The following FOCAD variants were observed in gnomAD, a reference collection of about 807,000 sequenced individuals.
FOCAD encodes focadhesin.
FOCAD carries 198 observed loss-of-function variants against 225.6 expected under a neutral mutation model. The observed-to-expected ratio is 0.88, with a 90% CI of 0.78 to 0.99. The LOEUF is 0.99. FOCAD is among the 50% of genes least tolerant of loss of function. The probability of loss-of-function intolerance (pLI) is 0.00; values close to 1 mark genes in which losing one functional copy is unlikely to be tolerated. For synonymous variants in FOCAD, 897 were observed against 755.0 expected (o/e 1.19, Z -3.08); for missense variants, 2,713 against 2,123.6 (o/e 1.28, Z -5.46).
At chr9:20,858,366 A>G (rs981161002) in intron 15 of FOCAD, among the ~76,000 whole-genome samples, 3 of 152,030 alleles carry the variant, frequency 2.0e-5, no homozygotes, top group Non-Finnish European at 2.9e-5. Flanking sequence ...GGGTTTTCCA[A>G]TTTATTGTCG....
chr9:20,767,197 G>T (rs1830123450), intron 7 of FOCAD, among the ~76,000 whole-genome samples: 1 of 151,082 alleles, frequency 6.6e-6, no homozygotes, highest in Admixed American at 6.6e-5. Flanking sequence ...GTGTATATGT[G>T]CCACATTTTC....
intron 35 of FOCAD, among the ~76,000 whole-genome samples, chr9:20,966,809 A>G (rs746551665): frequency 1.3e-5 from 2 of 152,064 alleles, no homozygotes; most frequent in East Asian, 3.8e-4. Context: ...ACCCTTGTCA[A>G]AAATCAATTG....
intron 28 of FOCAD, among the ~76,000 whole-genome samples, chr9:20,933,569 G>A (rs1011822700): frequency 2.6e-5 from 4 of 151,602 alleles, no homozygotes; most frequent in Non-Finnish European, 4.4e-5. Context: ...TCGTGTGTGT[G>A]TATGTGTGTG....
rs1379594498 is a variant in FOCAD at position 20,665,782 on chromosome 9, G to A, written c.-78+6956G>A. 5.9e-5 allele frequency among the ~76,000 whole-genome samples: 9 copies of A among 152,122 alleles called. No individual in the cohort carries two copies. In the East Asian group the frequency reaches 1.5e-3, roughly 26 times the overall value. On this transcript the variant is annotated intron_variant, in intron 2 of 45. Transcript: ENST00000380249. ...ACGGTGGCTCACGCCTGTAAGCCCA[G>A]CACTTTGGGAGGGCAAGACAGGCGG...
At chr9:20,874,016 A>G (rs1309810008) in intron 18 of FOCAD, 1 of 152,190 alleles carries the variant, frequency 6.6e-6, no homozygotes, top group Non-Finnish European at 1.5e-5. Flanking sequence ...CAATGTGGAA[A>G]TCTTTTTACA....
intron 35 of FOCAD, among the ~76,000 whole-genome samples, chr9:20,971,219 C>G (rs1284187359): frequency 1.3e-5 from 2 of 152,112 alleles, no homozygotes; most frequent in African/African-American, 4.8e-5. Context: ...ACATTGCATG[C>G]CTATATCAAA....
chr9:20,725,914 T>A (rs1826159229), intron 4 of FOCAD, among the ~76,000 whole-genome samples: 1 of 152,142 alleles, frequency 6.6e-6, no homozygotes, highest in Middle Eastern at 3.2e-3. Context: ...TTTTTATAGC[T>A]TCTGTAAACA....
At chr9:20,787,204 G>A (rs1046269180) in intron 10 of FOCAD, 1 of 165,826 alleles carries the variant, frequency 6.0e-6, no homozygotes, top group Non-Finnish European at 1.3e-5. Flanking sequence ...TTATGTTGTT[G>A]CTTTTACTCA....
At chr9:20,782,581 A>G (rs1819491322) in intron 10 of FOCAD, among the ~76,000 whole-genome samples, 5 of 152,228 alleles carry the variant, frequency 3.3e-5, no homozygotes. Flanking sequence ...TTCTAGGCCT[A>G]GATTTACCAG....
intron 5 of FOCAD, among the ~76,000 whole-genome samples, chr9:20,749,667 T>A (rs893791534): frequency 1.3e-5 from 2 of 152,170 alleles, no homozygotes; most frequent in Non-Finnish European, 2.9e-5. Context: ...GCTGCATACA[T>A]GAAAATGCAT....
chr9:20,676,098 A>G (rs1394632910), intron 2 of FOCAD, among the ~76,000 whole-genome samples: 1 of 152,230 alleles, frequency 6.6e-6, no homozygotes, highest in Non-Finnish European at 1.5e-5. Flanking sequence ...GGACAAATTA[A>G]TAAAGCTTGT....
chr9:20,665,789 G>C (rs899682127), intron 2 of FOCAD, among the ~76,000 whole-genome samples: 1 of 152,104 alleles, frequency 6.6e-6, no homozygotes, highest in African/African-American at 2.4e-5. Context: ...CCAGCACTTT[G>C]GGAGGGCAAG....
Position 20,695,366 on chromosome 9 carries a change from T to G in FOCAD, c.-33+11073T>G, listed in dbSNP as rs1051632261. On this transcript the variant is annotated intron_variant, in intron 1 of 43. Transcript: ENST00000338382. ...ATAAAGTTCCCTATCTTCCTTTAAC[T>G]TAATATTTTTAGCCACAGTTGATGA... Among the ~76,000 whole-genome samples, 10 of 152,328 alleles carry G rather than the reference T, an allele frequency of 6.6e-5. 1 individual carries two copies. The highest frequency in any genetic ancestry group is 5.2e-4 in the Admixed American group (8 of 15,300).
At chr9:20,973,165 T>C (rs1839912922) in intron 35 of FOCAD, among the ~76,000 whole-genome samples, 1 of 151,736 alleles carries the variant, frequency 6.6e-6, no homozygotes, top group East Asian at 1.9e-4. Context: ...GTGCTTCTCC[T>C]TTCTGCAGCT....
At chr9:20,953,240 T>C (rs532339224) in intron 35 of FOCAD, among the ~76,000 whole-genome samples, 175 bp downstream of exon 35, 1 of 152,350 alleles carries the variant, frequency 6.6e-6, no homozygotes, top group East Asian at 1.9e-4. Flanking sequence ...CTACAATAAT[T>C]GGTACGTAAA....
At chr9:20,674,864 A>T (rs1355709110) in intron 2 of FOCAD, among the ~76,000 whole-genome samples, 1 of 152,202 alleles carries the variant, frequency 6.6e-6, no homozygotes, top group Non-Finnish European at 1.5e-5. Flanking sequence ...GATTGAATAG[A>T]TTCCTTCAAA....
chr9:20,755,997 T>G (rs978336256), intron 5 of FOCAD, among the ~76,000 whole-genome samples: 1 of 152,132 alleles, frequency 6.6e-6, no homozygotes, highest in Non-Finnish European at 1.5e-5. Flanking sequence ...CTGCTGAACT[T>G]TCAATCTAAG....
chr9:20,696,826 A>AATG (rs1482467367), intron 1 of FOCAD, among the ~76,000 whole-genome samples: 1 of 151,800 alleles, frequency 6.6e-6, no homozygotes, highest in African/African-American at 2.4e-5. Context: ...TAATAATAAT[A>AATG]ATTAATTGCC....
chr9:20,925,576 C>T (rs1458752050), intron 25 of FOCAD, among the ~76,000 whole-genome samples: 2 of 152,188 alleles, frequency 1.3e-5, no homozygotes, highest in Non-Finnish European at 2.9e-5. Context: ...TGACCACCAA[C>T]AAAAGATTTG....
Sources: gnomAD v4.1 joint callset for allele counts (sites outside exome capture counted in the v4.1 genomes callset) on GRCh38, gnomAD v4.1.1 for gene constraint, MANE v1.5 for transcripts, NCBI Gene and HGNC (gene_info 2026-07-23, HGNC 2026-07-21) for gene names.